ILDR1: variants seen among roughly 807,000 people sequenced by gnomAD.
ILDR1 encodes immunoglobulin like domain containing receptor 1.
In ILDR1, 56 loss-of-function variants were observed where a neutral mutation model predicts 62.4. The ratio of observed to expected loss-of-function variants is 0.90; its 90% CI spans 0.72 to 1.12. The LOEUF is 1.12. Ranked by LOEUF, ILDR1 falls within the 50% of genes most tolerant of loss-of-function variation. The probability of loss-of-function intolerance (pLI) is 0.00; values close to 1 mark genes in which losing one functional copy is unlikely to be tolerated. For missense variants in ILDR1, 736 were observed against 710.6 expected, an observed-to-expected ratio of 1.04 and a Z score of -0.41; for synonymous variants, 284 against 277.8, an observed-to-expected ratio of 1.02 and a Z score of -0.22.
At chr3:122,013,495 C>A (rs2107673785) in intron 1 of ILDR1, among the ~76,000 whole-genome samples, 1 of 152,206 alleles carries the variant, frequency 6.6e-6, no homozygotes, top group East Asian at 1.9e-4. Context: ...GGCAGGTTAA[C>A]AAAATGCACA....
At chr3:122,002,885 T>C (rs890179770) in intron 3 of ILDR1, among the ~76,000 whole-genome samples, 5 of 152,226 alleles carry the variant, frequency 3.3e-5, no homozygotes, top group African/African-American at 1.2e-4. Context: ...ACCTACAGAA[T>C]GCGAGAAAAC....
At chr3:122,031,829 A>G in the ILDR1 span, among the ~76,000 whole-genome samples, 1 of 152,206 alleles carries the variant, frequency 6.6e-6, no homozygotes, top group Non-Finnish European at 1.5e-5. Context: ...TTTTTATAGC[A>G]GCCCAAATGC....
At chr3:122,014,989 T>C (rs1480609582) in intron 1 of ILDR1, among the ~76,000 whole-genome samples, 1 of 152,206 alleles carries the variant, frequency 6.6e-6, no homozygotes, top group African/African-American at 2.4e-5. Flanking sequence ...CATTCATTTA[T>C]TGAGTACACA....
intron 7 of ILDR1, among the ~76,000 whole-genome samples, chr3:121,991,520 G>A (rs2107639619): frequency 6.6e-6 from 1 of 152,310 alleles, no homozygotes; most frequent in East Asian, 1.9e-4. Context: ...TGTATCATCT[G>A]TAAATGAGGA....
At chr3:122,001,715 G>T in intron 4 of ILDR1, 30 bp downstream of exon 4, 1 of 1,609,086 alleles carries the variant, frequency 6.2e-7, no homozygotes, top group South Asian at 1.1e-5. Context: ...CAGTGAGGGT[G>T]ACTGAATAGA....
Position 121,988,444 on chromosome 3 carries a change from C to A in ILDR1, c.1600-36G>T, listed in dbSNP as rs754467217. On this transcript the variant is annotated intron_variant, in intron 7 of 7. Coordinates refer to ENST00000344209, the MANE Select transcript of ILDR1 (RefSeq NM_001199799.2). ...GAAGAATACACACACAAAAAAAATC[C>A]AGTCAGTGCAATCCGTCTATGCATG... The A allele has an allele frequency of 1.9e-6, 3 of 1,559,412 alleles. No homozygotes were observed. The South Asian group carries it at 3.3e-5, about 17-fold the overall frequency.
At chr3:122,057,566 A>G in the ILDR1 span, among the ~76,000 whole-genome samples, 2 of 152,338 alleles carry the variant, frequency 1.3e-5, no homozygotes, top group South Asian at 2.1e-4. Context: ...GTGCTTTTCA[A>G]TTTGAATCCC....
the ILDR1 span, among the ~76,000 whole-genome samples, chr3:122,046,373 T>C: frequency 6.6e-6 from 1 of 151,286 alleles, no homozygotes; most frequent in Non-Finnish European, 1.5e-5. Context: ...ATTTCAACTT[T>C]GGTGAATCTG....
chr3:122,021,820 A>G (rs2071859606), intron 1 of ILDR1, among the ~76,000 whole-genome samples, 200 bp downstream of exon 1: 1 of 152,236 alleles, frequency 6.6e-6, no homozygotes, highest in Non-Finnish European at 1.5e-5. Flanking sequence ...AAGGGCCTGG[A>G]CTAACAAAAG....
rs2071397360 is a variant in ILDR1 at position 121,993,896 on chromosome 3, C to A, written c.853G>T (p.Val285Phe). The A allele has an allele frequency of 1.2e-6, 2 of 1,613,944 alleles. No individual in the cohort carries two copies. Among genetic ancestry groups the A allele is most frequent in the South Asian group, 1.1e-5 (1 of 91,078 alleles). ...AGTTCTTTCTCCAAATACTCCAGGA[C>A]ACCATTGGCGATGGGAGGCTGATTG... ...TTNQPPIANG[V>F]LEYLEKELRN... The change falls in exon 7 of 8, where the codon GTC (valine) becomes TTC (phenylalanine). Residue 285 changes from valine to phenylalanine, a missense_variant. Transcript: ENST00000344209.
upstream of ILDR1, among the ~76,000 whole-genome samples, chr3:122,026,158 C>A (rs1183140651): frequency 6.6e-6 from 1 of 152,108 alleles, no homozygotes; most frequent in Non-Finnish European, 1.5e-5. Flanking sequence ...AGACTTCATG[C>A]AGGAGACAAT....
chr3:122,048,852 T>C, the ILDR1 span, among the ~76,000 whole-genome samples: 1 of 152,140 alleles, frequency 6.6e-6, no homozygotes, highest in Admixed American at 6.5e-5. Flanking sequence ...CCCAGGCTGG[T>C]CTTGGACACC....
chr3:121,998,206 G>T (rs1416492248), intron 5 of ILDR1, among the ~76,000 whole-genome samples: 3 of 152,104 alleles, frequency 2.0e-5, no homozygotes, highest in Non-Finnish European at 4.4e-5. Flanking sequence ...TCCTTGTAGG[G>T]CTGAGGCCAC....
chr3:122,013,300 A>G (rs1175313132), intron 1 of ILDR1, among the ~76,000 whole-genome samples: 1 of 152,168 alleles, frequency 6.6e-6, no homozygotes, highest in Non-Finnish European at 1.5e-5. Context: ...AATATTTTTA[A>G]AATTAAGAAC....
intron 5 of ILDR1, among the ~76,000 whole-genome samples, chr3:121,997,489 C>T (rs953441918): frequency 6.6e-6 from 1 of 152,220 alleles, no homozygotes; most frequent in African/African-American, 2.4e-5. Flanking sequence ...CATTCCCCAC[C>T]TCTTAGGTCT....
chr3:122,008,824 C>A (rs4974396), intron 1 of ILDR1, among the ~76,000 whole-genome samples: 91,806 of 151,610 alleles, frequency 0.61, 28,452 homozygotes, highest in Admixed American at 0.74. Context: ...AACTCCTGAC[C>A]TGAAATGATC....
At chr3:122,048,738 A>AT in the ILDR1 span, among the ~76,000 whole-genome samples, 2 of 152,016 alleles carry the variant, frequency 1.3e-5, no homozygotes. Flanking sequence ...CTCTTACAAT[A>AT]TTTTTTTAAT....
At chr3:122,056,562 G>A in the ILDR1 span, among the ~76,000 whole-genome samples, 1 of 152,086 alleles carries the variant, frequency 6.6e-6, no homozygotes, top group African/African-American at 2.4e-5. Flanking sequence ...TCGATCTCTT[G>A]ACCTTGTGAT....
chr3:122,001,598 T>C, intron 4 of ILDR1, 144 bp from the exon 5 acceptor site: 2 of 1,490,086 alleles, frequency 1.3e-6, no homozygotes, highest in Non-Finnish European at 1.9e-6. Flanking sequence ...AAGGTAAAAG[T>C]TTAGCTTTGA....
Sources: allele counts gnomAD v4.1 joint callset (sites outside exome capture counted in the v4.1 genomes callset), GRCh38; gene constraint gnomAD v4.1.1; transcripts MANE v1.5; gene names NCBI Gene and HGNC (gene_info 2026-07-23, HGNC 2026-07-21).